The following RCAN1 variants were observed in gnomAD, a reference collection of about 807,000 sequenced individuals.
RCAN1 encodes the protein regulator of calcineurin 1.
Under a neutral mutation model 22.9 loss-of-function variants are expected in RCAN1, and 11 were observed. The observed-to-expected ratio is 0.48, with a 90% CI of 0.30 to 0.79. The LOEUF is 0.79. RCAN1 is among the 30% of genes least tolerant of loss of function. The pLI is 0.06. For missense variants in RCAN1, 291 were observed against 337.8 expected (o/e 0.86, Z 1.09); for synonymous variants, 136 against 142.3 (o/e 0.96, Z 0.32).
chr21:34,542,659 C>T (rs923685043), intron 1 of RCAN1, among the ~76,000 whole-genome samples: 35 of 152,324 alleles, frequency 2.3e-4, no homozygotes, highest in African/African-American at 7.2e-4. Flanking sequence ...ACAGCCATTA[C>T]GTTTTGGGTG....
At chr21:34,525,563 TGGGA>T (rs1330600994) in intron 1 of RCAN1, 6 of 490,766 alleles carry the variant, frequency 1.2e-5, no homozygotes, top group Non-Finnish European at 2.0e-5. Context: ...ATTCAGAATT[TGGGA>T]GAGATGACTT....
At chr21:34,600,947 CACAA>C (rs1258039025) in intron 1 of RCAN1, among the ~76,000 whole-genome samples, 2 of 152,196 alleles carry the variant, frequency 1.3e-5, no homozygotes, top group East Asian at 3.8e-4. Flanking sequence ...CACGTGTGTT[CACAA>C]ACACACATGC....
At position 34,517,370 on chromosome 21, in the gene RCAN1, C is replaced by T. The variant is rs575574267; in HGVS notation, c.*714G>A. The T allele has an allele frequency of 6.6e-6, 1 of 152,328 alleles. No homozygotes were observed. The highest frequency in any genetic ancestry group is 2.1e-4 in the South Asian group (1 of 4,830). The allele number at this position is 152,328 out of a possible 1,614,324, so 9.4% of individuals were successfully genotyped here. On this transcript the variant is annotated 3_prime_UTR_variant, in exon 4 of 4. Transcript: ENST00000313806. ...TTCTTTTGCAAAAGCACAAGTTACA[C>T]GTTGCACGGTTGGGGATGCTGAGTG... is the stretch of plus-strand genomic sequence containing the variant.
At chr21:34,581,662 A>G (rs1192643920) in intron 1 of RCAN1, among the ~76,000 whole-genome samples, 1 of 152,234 alleles carries the variant, frequency 6.6e-6, no homozygotes, top group Non-Finnish European at 1.5e-5. Flanking sequence ...ATCACTAAAA[A>G]TGTAAAGCCT....
chr21:34,603,321 C>A (rs1459630663), intron 1 of RCAN1, among the ~76,000 whole-genome samples: 2 of 151,970 alleles, frequency 1.3e-5, no homozygotes, highest in Non-Finnish European at 2.9e-5. Flanking sequence ...TCCCTACCTG[C>A]GGCCTGGGGA....
In RCAN1 at chr21:34,517,869, T is replaced by C. The variant is rs905015160; in HGVS notation, c.*215A>G. 3.4e-6 allele frequency: 2 copies of C among 591,682 alleles called. No homozygotes were observed. The highest frequency in any genetic ancestry group is 2.1e-5 in the South Asian group (1 of 47,990). 36.7% of individuals were successfully genotyped at this position (591,682 alleles called of 1,614,324 possible). On this transcript the variant is annotated 3_prime_UTR_variant, in exon 4 of 4. Transcript: ENST00000313806. ...GTGCGATCACCACAAACTCAGTGAT[T>C]GGCCCAAGTCATTCCCGGGTGCCAT...
intron 3 of RCAN1, among the ~76,000 whole-genome samples, chr21:34,520,217 C>T (rs747263351): frequency 3.3e-5 from 5 of 152,174 alleles, no homozygotes; most frequent in African/African-American, 4.8e-5. Flanking sequence ...AATAAGCCCT[C>T]GGTGAAGGAA....
At chr21:34,573,666 C>T (rs942405919) in intron 1 of RCAN1, among the ~76,000 whole-genome samples, 12 of 152,260 alleles carry the variant, frequency 7.9e-5, no homozygotes, top group East Asian at 3.9e-4. Flanking sequence ...TTCACTGCTC[C>T]CCTGTGTGCT....
intron 1 of RCAN1, among the ~76,000 whole-genome samples, chr21:34,556,515 G>A (rs1319944788): frequency 6.6e-6 from 1 of 151,876 alleles, no homozygotes; most frequent in Admixed American, 6.6e-5. Flanking sequence ...TGTGGCATAA[G>A]ATGGCTTTCA....
At chr21:34,526,760 T>C (rs1290822998) in intron 1 of RCAN1, 1 of 1,610,168 alleles carries the variant, frequency 6.2e-7, no homozygotes, top group Admixed American at 1.7e-5. Flanking sequence ...CTTGCTTTCT[T>C]ACAGTGAAAG....
chr21:34,525,211 C>A, intron 1 of RCAN1: 5 of 1,550,646 alleles, frequency 3.2e-6, no homozygotes, highest in Non-Finnish European at 4.4e-6. Context: ...TGGATGCCTG[C>A]TCCACATGGG....
At chr21:34,573,060 C>G (rs1987287954) in intron 1 of RCAN1, among the ~76,000 whole-genome samples, 1 of 152,174 alleles carries the variant, frequency 6.6e-6, no homozygotes, top group Non-Finnish European at 1.5e-5. Context: ...GACTCTCCTC[C>G]TAGATCCAAG....
At position 34,523,687 on chromosome 21, in the gene RCAN1, C is replaced by A; in HGVS notation, c.276G>T (p.Arg92Ser). 2 of 1,611,814 alleles carry A rather than the reference C, an allele frequency of 1.2e-6. No individual in the cohort carries two copies. Among genetic ancestry groups the A allele is most frequent in the Non-Finnish European group, 8.5e-7 (1 of 1,179,434 alleles). ...GAAAGGTGATGTCCTTGTCATACGT[C>A]CTAAAGAGGGACTCAAATTTGGCCT... ...LCRAKFESLF[R>S]TYDKDITFQY... is the part of the protein sequence containing the mutation. The change falls in exon 2 of 4, where the codon AGG becomes AGT. Residue 92 changes from arginine to serine, a missense_variant. Physicochemically the swap from Arg to Ser is moderately radical, Grantham distance 110. Transcript: ENST00000313806.
intron 3 of RCAN1, chr21:34,520,998 C>T: frequency 4.1e-6 from 4 of 984,570 alleles, no homozygotes; most frequent in Non-Finnish European, 5.0e-6. Flanking sequence ...GGTAGGGCAG[C>T]CCGACCGCGG....
At chr21:34,574,306 G>T (rs548641748) in intron 1 of RCAN1, among the ~76,000 whole-genome samples, 1 of 152,230 alleles carries the variant, frequency 6.6e-6, no homozygotes, top group African/African-American at 2.4e-5. Flanking sequence ...AAGTCTACCT[G>T]CAGATAAGCT....
At chr21:34,562,909 C>A (rs1473895145) in intron 1 of RCAN1, among the ~76,000 whole-genome samples, 1 of 152,192 alleles carries the variant, frequency 6.6e-6, no homozygotes, top group African/African-American at 2.4e-5. Flanking sequence ...GCATCCATGG[C>A]AACCTGCTGC....
At chr21:34,594,752 G>A (rs1988091437) in intron 1 of RCAN1, among the ~76,000 whole-genome samples, 1 of 152,182 alleles carries the variant, frequency 6.6e-6, no homozygotes, top group African/African-American at 2.4e-5. Flanking sequence ...CAGACCTGCA[G>A]GTGTTGCATC....
At chr21:34,534,017 C>G (rs1985552603) in intron 1 of RCAN1, among the ~76,000 whole-genome samples, 1 of 152,164 alleles carries the variant, frequency 6.6e-6, no homozygotes, top group African/African-American at 2.4e-5. Context: ...ATTGGAAGGA[C>G]CCTGGCTTGT....
intron 1 of RCAN1, among the ~76,000 whole-genome samples, chr21:34,568,920 G>A (rs1053726075): frequency 1.1e-4 from 17 of 152,198 alleles, no homozygotes; most frequent in Middle Eastern, 3.2e-3. Context: ...CAGAATCATG[G>A]TGAGAGACAA....
Sources: allele counts gnomAD v4.1 joint callset (sites outside exome capture counted in the v4.1 genomes callset), GRCh38; gene constraint gnomAD v4.1.1; transcripts MANE v1.5; gene names NCBI Gene and HGNC (gene_info 2026-07-23, HGNC 2026-07-21).